The following STK11 variants were observed in gnomAD, a reference collection of about 807,000 sequenced individuals.
The protein encoded by STK11 is serine/threonine-protein kinase STK11.
A neutral mutation model predicts 47.3 loss-of-function variants in STK11; 8 were observed. The observed-to-expected ratio is 0.17, with a 90% CI of 0.10 to 0.31. The LOEUF is 0.31. STK11 is among the 10% of genes least tolerant of loss of function. The pLI, the probability that STK11 is intolerant of heterozygous loss-of-function variation, is 1.00. For missense variants in STK11, 475 were observed against 605.0 expected (o/e 0.79, Z 2.25); for synonymous variants, 330 against 255.8 (o/e 1.29, Z -2.77).
At chr19:1,218,918 C>T (rs927842459) in intron 2 of STK11, among the ~76,000 whole-genome samples, 3 of 152,086 alleles carry the variant, frequency 2.0e-5, no homozygotes, top group African/African-American at 7.2e-5. Context: ...CTTCCTAAGG[C>T]CCTGTGCCCA....
In STK11 at chr19:1,213,060, G is replaced by A. The variant is rs866329691; in HGVS notation, c.291-5357G>A. On this transcript the variant is annotated intron_variant, in intron 1 of 9. Transcript: ENST00000326873. ...CACCCAGGCTGGAGTGCAGTGGCGT[G>A]ATCTTGGCTCACTGCAAGCTCTGCC... is the stretch of plus-strand genomic sequence containing the variant. 1.8e-4 allele frequency among the ~76,000 whole-genome samples: 26 copies of A among 140,764 alleles called. 1 individual carries two copies. The highest frequency in any genetic ancestry group is 6.9e-4 in the African/African-American group (26 of 37,496). The allele number at this position is 140,764 out of a possible 152,430, so 92.3% of individuals were successfully genotyped here.
chr19:1,224,431 T>C (rs2080807189), intron 8 of STK11: 2 of 985,254 alleles, frequency 2.0e-6, no homozygotes, highest in Admixed American at 6.1e-5. Context: ...GGGGCCTGGC[T>C]GCAATTTGAC....
rs1480487935 is a variant in STK11 at position 1,219,306 on chromosome 19, G to A, written c.375-18G>A. ...TGAGTGGGGCCGCCCCCTGAGCTGT[G>A]TGTCCTTAGCGCCCCACGTATATGG... is the stretch of plus-strand genomic sequence containing the variant. On this transcript the variant is annotated intron_variant, in intron 2 of 9. Coordinates refer to ENST00000326873, the MANE Select transcript of STK11 (RefSeq NM_000455.5). 1.3e-6 allele frequency: 2 copies of A among 1,569,010 alleles called. No homozygotes were observed. The highest frequency in any genetic ancestry group is 2.4e-5 in the East Asian group (1 of 42,290).
At chr19:1,223,866 T>C in intron 8 of STK11, 1 of 1,020,440 alleles carries the variant, frequency 9.8e-7, no homozygotes, top group Non-Finnish European at 1.2e-6. Context: ...ATAAAGAGTT[T>C]TGCAGTGTAT....
At position 1,209,618 on chromosome 19, in the gene STK11, A is replaced by ATAAATAAG. The variant is rs1297181851; in HGVS notation, c.290+2422_290+2423insGTAAATAA. 2.0e-5 allele frequency among the ~76,000 whole-genome samples: 3 copies of ATAAATAAG among 150,362 alleles called. No homozygotes were observed. The East Asian group carries it at 5.8e-4, about 29-fold the overall frequency. On this transcript the variant is annotated intron_variant, in intron 1 of 9. Coordinates refer to ENST00000326873, the MANE Select transcript of STK11 (RefSeq NM_000455.5). ...AATAAATAAATAAATAAATAAATAA[A>ATAAATAAG]TAAATAAATCTGGCTTGAGTTTTGA...
chr19:1,225,984 T>C (rs762614335), intron 8 of STK11: 18 of 996,776 alleles, frequency 1.8e-5, no homozygotes, highest in Non-Finnish European at 2.0e-5. Flanking sequence ...GCTCCCCGCG[T>C]GGTTCTGTGC....
At position 1,207,220 on chromosome 19, in the gene STK11, G is replaced by T; in HGVS notation, c.290+17G>T. ...CGTGAAGAAGTAAGTATGGCTTGCT[G>T]GGGTCGGGGCCGGGCCGGGCCAGTC... On this transcript the variant is annotated intron_variant, in intron 1 of 9. Coordinates refer to ENST00000326873, the MANE Select transcript of STK11 (RefSeq NM_000455.5). The T allele has an allele frequency of 6.3e-7, 1 of 1,586,530 alleles. No homozygotes were observed. Among genetic ancestry groups the T allele is most frequent in the Non-Finnish European group, 8.6e-7 (1 of 1,166,662 alleles).
chr19:1,222,889 G>C (rs2080794888), intron 7 of STK11, 96 bp from the exon 8 acceptor site: 1 of 1,372,244 alleles, frequency 7.3e-7, no homozygotes, highest in Non-Finnish European at 9.7e-7. Flanking sequence ...GCTCCTGAGT[G>C]TGTGGCAGGT....
At position 1,206,595 on chromosome 19, in the gene STK11, A is replaced by C. The variant is rs535713778; in HGVS notation, c.-319A>C. 6 of 448,232 alleles carry C rather than the reference A, an allele frequency of 1.3e-5. No homozygotes were observed. In the East Asian group the frequency reaches 2.2e-4, roughly 17 times the overall value. 27.8% of individuals were successfully genotyped at this position (448,232 alleles called of 1,614,324 possible). A position where few individuals can be genotyped will look rare whatever the true frequency, so the allele number is the denominator to read the frequency against. ...GGCCTCCCCAGGGTCCCCGAGGACG[A>C]AGTTGACCCTGACCGGGCCGTCTCC... On this transcript the variant is annotated 5_prime_UTR_variant, in exon 1 of 10. Transcript: ENST00000326873.
intron 9 of STK11, chr19:1,226,908 C>G (rs567916500): frequency 4.3e-5 from 22 of 509,702 alleles, no homozygotes; most frequent in Middle Eastern, 5.0e-4. Flanking sequence ...GGGGGGCGTG[C>G]CGTCCTCACA....
At chr19:1,227,384 C>T (rs2080832607) in intron 9 of STK11, 1 of 330,144 alleles carries the variant, frequency 3.0e-6, no homozygotes, top group Non-Finnish European at 4.7e-6. Flanking sequence ...CATCCACCAG[C>T]GTCAGAGCCC....
intron 8 of STK11, chr19:1,225,106 G>A (rs991793381): frequency 1.2e-4 from 119 of 985,798 alleles, no homozygotes; most frequent in Non-Finnish European, 1.2e-4. Flanking sequence ...TAGATCCTGG[G>A]CACCAGTGCA....
At chr19:1,224,857 C>T (rs912818884) in intron 8 of STK11, 2 of 985,532 alleles carry the variant, frequency 2.0e-6, no homozygotes, top group African/African-American at 3.5e-5. Context: ...ACGCCCCTCC[C>T]ACTGCTCAGA....
chr19:1,225,445 T>C (rs1157781686), intron 8 of STK11: 5 of 806,420 alleles, frequency 6.2e-6, no homozygotes, highest in African/African-American at 1.9e-5. Context: ...AATTTTTGTA[T>C]GTTTAGTAGA....
chr19:1,206,903 C>T lies in STK11; in HGVS notation c.-11C>T, dbSNP rs772584871. The stretch of plus-strand genomic sequence containing the variant: ...GGGCTGGCGGCGGGACTCCAGGACC[C>T]TGGGTCCAGCATGGAGGTGGTGGAC... On this transcript the variant is annotated 5_prime_UTR_variant, in exon 1 of 10. Coordinates refer to ENST00000326873, the MANE Select transcript of STK11 (RefSeq NM_000455.5). The T allele has an allele frequency of 1.9e-6, 3 of 1,564,746 alleles. No homozygotes were observed. Among genetic ancestry groups the T allele is most frequent in the African/African-American group, 1.4e-5 (1 of 73,734 alleles).
chr19:1,227,309 T>G, intron 9 of STK11: 1 of 184,410 alleles, frequency 5.4e-6, no homozygotes, highest in Non-Finnish European at 1.1e-5. Flanking sequence ...CCACAGCCCC[T>G]CTCCCAGGTT....
Position 1,226,531 on chromosome 19 carries a change from G to C in STK11, c.1186G>C (p.Glu396Gln), listed in dbSNP as rs763314442. Reference sequence around the variant, plus strand: ...CAAGGCCGTGTGTATGAACGGCACAGAGGCGGCGCAGCTGAGCACCAAATC... The same window carrying C: ...CAAGGCCGTGTGTATGAACGGCACACAGGCGGCGCAGCTGAGCACCAAATC... ...LPKAVCMNGTEAAQLSTKSRA... is the reference protein window; with the variant it reads ...LPKAVCMNGTQAAQLSTKSRA... The change falls in exon 9 of 10, where the codon GAG (glutamate) becomes CAG (glutamine). Residue 396 changes from glutamate to glutamine, a missense_variant. Physicochemically the swap from Glu to Gln is conservative, Grantham distance 29 (BLOSUM62 2). Transcript: ENST00000326873. 6.2e-7 allele frequency: 1 copy of C among 1,607,988 alleles called. No homozygotes were observed. Among genetic ancestry groups the C allele is most frequent in the South Asian group, 1.1e-5 (1 of 90,124 alleles).
At position 1,222,117 on chromosome 19, in the gene STK11, G is replaced by A. The variant is rs1023369964; in HGVS notation, c.920+111G>A. ...CGTGGTGGGGGTGCCAGGCTGGGCT[G>A]GGGCCAGACCCCGTGCAGCGCCCGC... On this transcript the variant is annotated intron_variant, in intron 7 of 9. Transcript: ENST00000326873. 4 of 1,305,688 alleles carry A rather than the reference G, an allele frequency of 3.1e-6. No homozygotes were observed. In the African/African-American group the frequency reaches 5.8e-5, roughly 19 times the overall value. The allele number at this position is 1,305,688 out of a possible 1,614,324, so 80.9% of individuals were successfully genotyped here.
At chr19:1,225,724 G>A in intron 8 of STK11, 1 of 985,690 alleles carries the variant, frequency 1.0e-6, no homozygotes, top group Non-Finnish European at 1.2e-6. Flanking sequence ...GCCTCCCACT[G>A]ACTTCGCCCG....
Sources: gnomAD v4.1 joint callset for allele counts (sites outside exome capture counted in the v4.1 genomes callset) on GRCh38, gnomAD v4.1.1 for gene constraint, MANE v1.5 for transcripts, NCBI Gene and HGNC (gene_info 2026-07-23, HGNC 2026-07-21) for gene names.